CD4: variants seen among roughly 807,000 people sequenced by gnomAD.
The protein encoded by CD4 is T-cell surface glycoprotein CD4.
Under a neutral mutation model 50.5 loss-of-function variants are expected in CD4, and 25 were observed. The ratio of observed to expected loss-of-function variants is 0.49; its 90% CI spans 0.36 to 0.69. The LOEUF (loss-of-function observed/expected upper bound fraction) is 0.69, where lower values mean the gene tolerates loss of function less well. Among genes scored for constraint, CD4 ranks in the 30% least tolerant of loss-of-function variants. The probability of loss-of-function intolerance (pLI) is 0.00; values close to 1 mark genes in which losing one functional copy is unlikely to be tolerated. For synonymous variants in CD4, 207 were observed against 221.9 expected, an observed-to-expected ratio of 0.93 and a Z score of 0.60; for missense variants, 456 against 548.5, an observed-to-expected ratio of 0.83 and a Z score of 1.68.
chr12:6,809,880 G>C (rs1055492722), intron 3 of CD4, among the ~76,000 whole-genome samples: 17 of 142,798 alleles, frequency 1.2e-4, no homozygotes, highest in African/African-American at 4.4e-4. Flanking sequence ...CTAGTCCATT[G>C]CCTATACCTC....
At chr12:6,817,899 ACT>A (rs781788995) in intron 7 of CD4, among the ~76,000 whole-genome samples, 12 of 151,176 alleles carry the variant, frequency 7.9e-5, no homozygotes, top group Non-Finnish European at 1.6e-4. Context: ...TCACGCACAT[ACT>A]CTCACCCACA....
intron 5 of CD4, chr12:6,815,715 C>A (rs1334697311): frequency 9.8e-6 from 13 of 1,331,194 alleles, no homozygotes; most frequent in Admixed American, 2.2e-5. Flanking sequence ...TAAGTGTTCG[C>A]TGTTATTTTG....
chr12:6,814,053 G>A (rs560879258), intron 3 of CD4, 89 bp from the exon 4 acceptor site: 40 of 1,139,424 alleles, frequency 3.5e-5, no homozygotes, highest in Non-Finnish European at 4.5e-5. Flanking sequence ...ATTAGCAACT[G>A]ATATCAGAAG....
rs782775415 is a variant in CD4, at chr12:6,814,769, C to G, written c.384C>G (p.Asn128Lys). ...VQLLVFGLTA[N>K]SDTHLLQGQS... ...CCTTTCCCTCCACAGTGACTGCCAA[C>G]TCTGACACCCACCTGCTTCAGGGGC... is the stretch of plus-strand genomic sequence containing the variant. Residue 128 changes from asparagine (N) to lysine (K), a missense_variant, in exon 5 of 10, where the codon AAC becomes AAG. Asn to Lys is a moderately conservative substitution (Grantham distance 94). Coordinates refer to ENST00000011653, the MANE Select transcript of CD4 (RefSeq NM_000616.5). 1.9e-6 allele frequency: 3 copies of G among 1,613,692 alleles called. No homozygotes were observed. The highest frequency in any genetic ancestry group is 2.2e-5 in the East Asian group (1 of 44,860).
chr12:6,803,699 T>G (rs184060428), intron 3 of CD4, among the ~76,000 whole-genome samples: 3 of 150,458 alleles, frequency 2.0e-5, no homozygotes, highest in African/African-American at 4.9e-5. Flanking sequence ...GCAGGAGAAT[T>G]GCGTGAACCC....
At chr12:6,817,563 C>T (rs782175975) in intron 7 of CD4, among the ~76,000 whole-genome samples, 1 of 152,118 alleles carries the variant, frequency 6.6e-6, no homozygotes, top group Non-Finnish European at 1.5e-5. Flanking sequence ...TACAAGTTCC[C>T]ACTCCCTCAG....
At chr12:6,806,358 C>T (rs1392801355) in intron 3 of CD4, among the ~76,000 whole-genome samples, 3 of 151,650 alleles carry the variant, frequency 2.0e-5, no homozygotes, top group Non-Finnish European at 4.4e-5. Context: ...AGGCTGGGTG[C>T]ACCTGTATTC....
chr12:6,811,014 A>T (rs1484771103), intron 3 of CD4, among the ~76,000 whole-genome samples: 4 of 152,050 alleles, frequency 2.6e-5, no homozygotes, highest in African/African-American at 9.7e-5. Flanking sequence ...GGACAGTAAG[A>T]GCTGAGCAGT....
At position 6,818,815 on chromosome 12, in the gene CD4, C is replaced by T. The variant is rs1555118535; in HGVS notation, c.1279-32C>T. 1 of 1,596,520 alleles carries T rather than the reference C, an allele frequency of 6.3e-7. No individual in the cohort carries two copies. Among genetic ancestry groups the T allele is most frequent in the African/African-American group, 1.3e-5 (1 of 74,582 alleles). On this transcript the variant is annotated intron_variant, in intron 8 of 9. Coordinates refer to ENST00000011653, the MANE Select transcript of CD4 (RefSeq NM_000616.5). This position sits in a 1 kb window ranked among gnomAD's most constrained non-coding sequence, Gnocchi z 5.0. ...GCACCTCCCTTCTGGAGGCCTGGGA[C>T]CCTCGTGACTCCCTTTCTTGTCCCT...
intron 3 of CD4, among the ~76,000 whole-genome samples, chr12:6,813,084 T>G (rs1942985548): frequency 6.6e-6 from 1 of 151,776 alleles, no homozygotes. Flanking sequence ...TTTTTTTTCT[T>G]TTTTGAGACA....
At chr12:6,791,688 C>T (rs564127297) in intron 1 of CD4, among the ~76,000 whole-genome samples, 5 of 152,290 alleles carry the variant, frequency 3.3e-5, no homozygotes, top group Admixed American at 1.3e-4. Flanking sequence ...TGAGACCAGC[C>T]TGGGCAACAT....
intron 3 of CD4, among the ~76,000 whole-genome samples, chr12:6,806,695 G>A (rs923370987): frequency 1.3e-5 from 2 of 152,034 alleles, no homozygotes; most frequent in Non-Finnish European, 2.9e-5. Flanking sequence ...TAATCATTAG[G>A]GATATGTACA....
intron 1 of CD4, among the ~76,000 whole-genome samples, chr12:6,796,155 T>A (rs1408067214): frequency 6.6e-6 from 1 of 152,242 alleles, no homozygotes; most frequent in African/African-American, 2.4e-5. Flanking sequence ...TCTCAGCTGC[T>A]GCCAGGCTTG....
intron 1 of CD4, among the ~76,000 whole-genome samples, chr12:6,793,685 TA>T (rs1565488113): frequency 3.3e-3 from 331 of 101,468 alleles, no homozygotes; most frequent in South Asian, 6.6e-3. Context: ...TCTATCTATC[TA>T]TCTATCTATC....
chr12:6,802,841 A>G (rs1006906294), intron 3 of CD4, among the ~76,000 whole-genome samples: 28 of 151,576 alleles, frequency 1.8e-4, no homozygotes, highest in Admixed American at 4.6e-4. Context: ...GGTTCAAGCA[A>G]TTCTGCCTCA....
chr12:6,809,768 C>G (rs782819926), intron 3 of CD4, among the ~76,000 whole-genome samples: 14 of 152,184 alleles, frequency 9.2e-5, no homozygotes, highest in Admixed American at 5.2e-4. Context: ...GCTCAGTTTC[C>G]CAGTGGAAAC....
rs781882872 is a variant in CD4, at chr12:6,801,942, T to C, written c.214+1471T>C. On this transcript the variant is annotated intron_variant, in intron 3 of 9. Coordinates refer to ENST00000011653, the MANE Select transcript of CD4 (RefSeq NM_000616.5). ...GGCTGGAGTGCAGTGGGCATGATCT[T>C]GGCTCACTGCAAGCTCTGCCTCCCA... 6.0e-5 allele frequency among the ~76,000 whole-genome samples: 9 copies of C among 149,658 alleles called. No individual in the cohort carries two copies. In the East Asian group the frequency reaches 1.8e-3, roughly 30 times the overall value.
chr12:6,818,517 TCTG>T lies in CD4; in HGVS notation c.1254_1256del (p.Cys419del), dbSNP rs1331417686. 5 of 1,613,078 alleles carry T rather than the reference TCTG, an allele frequency of 3.1e-6. No homozygotes were observed. The highest frequency in any genetic ancestry group is 4.2e-6 in the Non-Finnish European group (5 of 1,180,010). Reference sequence around the variant, plus strand: ...CTTTTCATTGGGCTAGGCATCTTCTTCTGTGTCAGGTGCCGGCACCGAAGGGTG... The same window carrying T: ...CTTTTCATTGGGCTAGGCATCTTCTTTGTCAGGTGCCGGCACCGAAGGGTG... On this transcript the variant is annotated inframe_deletion, in exon 8 of 10. Coordinates refer to ENST00000011653, the MANE Select transcript of CD4 (RefSeq NM_000616.5). The surrounding 1 kb of genome is among the most constrained non-coding windows in gnomAD (Gnocchi z 5.0).
chr12:6,810,240 T>C (rs1942898527), intron 3 of CD4, among the ~76,000 whole-genome samples: 1 of 152,180 alleles, frequency 6.6e-6, no homozygotes, highest in African/African-American at 2.4e-5. Flanking sequence ...GTCCCATGAA[T>C]TTGTCCCAGA....
Sources: gnomAD v4.1 joint callset for allele counts (sites outside exome capture counted in the v4.1 genomes callset) on GRCh38, gnomAD v4.1.1 for gene constraint, Gnocchi (gnomAD v3.1) non-coding constraint, MANE v1.5 for transcripts, NCBI Gene and HGNC (gene_info 2026-07-23, HGNC 2026-07-21) for gene names.